DCLK1: variants seen among roughly 807,000 people sequenced by gnomAD.
DCLK1 encodes doublecortin like kinase 1, also known as serine/threonine-protein kinase DCLK1.
Under a neutral mutation model 86.2 loss-of-function variants are expected in DCLK1, and 16 were observed. The observed-to-expected ratio is 0.19, with a 90% confidence interval of 0.13 to 0.28. The LOEUF (loss-of-function observed/expected upper bound fraction) is 0.28. Among genes scored for constraint, DCLK1 ranks in the 10% least tolerant of loss-of-function variants. The pLI is 1.00. For missense variants in DCLK1, 590 were observed against 940.2 expected, an observed-to-expected ratio of 0.63 and a Z score of 4.87; for synonymous variants, 369 against 370.5, an observed-to-expected ratio of 1.00 and a Z score of 0.05.
intron 3 of DCLK1, among the ~76,000 whole-genome samples, chr13:36,039,293 C>G (rs1203945559): frequency 6.6e-6 from 1 of 152,296 alleles, no homozygotes; most frequent in East Asian, 1.9e-4. Flanking sequence ...TTGCCAGATC[C>G]TCTGAACAAA....
intron 4 of DCLK1, among the ~76,000 whole-genome samples, chr13:35,922,090 A>C (rs962927299): frequency 8.5e-5 from 13 of 152,218 alleles, no homozygotes; most frequent in Non-Finnish European, 1.9e-4. Flanking sequence ...ACATATAGGT[A>C]GGGCGGTTTT....
At chr13:35,826,523 C>CA (rs533243711) in intron 10 of DCLK1, among the ~76,000 whole-genome samples, 692 of 19,728 alleles carry the variant, frequency 0.035, 34 homozygotes, top group East Asian at 0.096. Flanking sequence ...AACTCCATCT[C>CA]AAAAAAAAAA....
Position 35,793,405 on chromosome 13 carries a change from G to T in DCLK1, c.2019C>A (p.Pro673=). The T allele has an allele frequency of 1.9e-6, 3 of 1,609,218 alleles. No individual in the cohort carries two copies. Among genetic ancestry groups the T allele is most frequent in the Non-Finnish European group, 2.5e-6 (3 of 1,177,486 alleles). ...GKIKKHFNTG[P]KPNSTAAGVS... ...CTCCAGCTGCTGTGCTATTCGGCTT[G>T]GGGCCTGTGTTGAAATGCTTCTTTA... The change falls in exon 16 of 17, where the codon CCC becomes CCA. Residue 673 remains proline (P), a synonymous_variant. Transcript: ENST00000360631.
At chr13:35,845,788 C>A in intron 6 of DCLK1, 1 of 355,708 alleles carries the variant, frequency 2.8e-6, no homozygotes. Context: ...CTAATTACAA[C>A]AGAAGAATGC....
At chr13:35,826,183 A>G (rs1868399558) in intron 10 of DCLK1, among the ~76,000 whole-genome samples, 1 of 151,870 alleles carries the variant, frequency 6.6e-6, no homozygotes, top group Non-Finnish European at 1.5e-5. Context: ...CTCAGCCTCA[A>G]ACATGACAAT....
intron 8 of DCLK1, 151 bp downstream of exon 8, chr13:35,835,882 G>T: frequency 1.8e-6 from 1 of 562,910 alleles, no homozygotes. Flanking sequence ...TTGTTAGATG[G>T]GTCTTTCTTT....
At chr13:35,908,690 C>T (rs1343860089) in intron 4 of DCLK1, among the ~76,000 whole-genome samples, 2 of 152,190 alleles carry the variant, frequency 1.3e-5, no homozygotes, top group African/African-American at 4.8e-5. Context: ...GGCTTCAGTG[C>T]AATGGCGTGA....
At chr13:36,001,199 C>T (rs907351607) in intron 3 of DCLK1, among the ~76,000 whole-genome samples, 1 of 152,150 alleles carries the variant, frequency 6.6e-6, no homozygotes, top group South Asian at 2.1e-4. Context: ...CCACCCACTT[C>T]GGCCTCCCAA....
chr13:35,777,290 G>A (rs2086439686), intron 16 of DCLK1, among the ~76,000 whole-genome samples: 1 of 152,142 alleles, frequency 6.6e-6, no homozygotes, highest in African/African-American at 2.4e-5. Flanking sequence ...AGTTGAATGA[G>A]GGTTTATAAA....
At chr13:35,830,326 G>T (rs1868851624) in intron 8 of DCLK1, among the ~76,000 whole-genome samples, 1 of 152,168 alleles carries the variant, frequency 6.6e-6, no homozygotes, top group Non-Finnish European at 1.5e-5. Context: ...AGGAGGTAAA[G>T]GCTGCAGTGA....
chr13:35,827,567 A>G lies in DCLK1; in HGVS notation c.1407+68T>C, dbSNP rs1264770605. The G allele has an allele frequency of 5.8e-6, 9 of 1,539,434 alleles. No homozygotes were observed. The East Asian group carries it at 1.8e-4, about 31-fold the overall frequency. Reference sequence around the variant, plus strand: ...AATACTGATGGGAGAAAATAAGGGAAAGAGCTCTAGAATATAGGCAAGTGC... The same window carrying G: ...AATACTGATGGGAGAAAATAAGGGAGAGAGCTCTAGAATATAGGCAAGTGC... On this transcript the variant is annotated intron_variant, in intron 10 of 16. Transcript: ENST00000360631.
intron 6 of DCLK1, among the ~76,000 whole-genome samples, chr13:35,853,354 C>A (rs745811335): frequency 5.2e-4 from 79 of 152,280 alleles, no homozygotes; most frequent in Admixed American, 4.1e-3. Context: ...GACAAGCTGG[C>A]GTCAAATCCC....
intron 16 of DCLK1, among the ~76,000 whole-genome samples, chr13:35,777,463 TA>T (rs2153097245): frequency 6.6e-6 from 1 of 152,306 alleles, no homozygotes; most frequent in South Asian, 2.1e-4. Context: ...ATTGAAATGA[TA>T]AATTAAAGTC....
intron 4 of DCLK1, among the ~76,000 whole-genome samples, chr13:35,925,718 T>C (rs1246847215): frequency 6.6e-6 from 1 of 152,198 alleles, no homozygotes; most frequent in Non-Finnish European, 1.5e-5. Flanking sequence ...TTGGTTGTTG[T>C]TTTTATTTTT....
At chr13:36,083,379 G>C (rs371266900) in intron 3 of DCLK1, among the ~76,000 whole-genome samples, 1 of 152,268 alleles carries the variant, frequency 6.6e-6, no homozygotes, top group South Asian at 2.1e-4. Context: ...TACTCTGTTA[G>C]GTCCCTCCTC....
chr13:35,770,882 C>G lies in DCLK1; in HGVS notation c.*3653G>C, dbSNP rs3803279. 0.21 allele frequency: 31,299 copies of G among 152,070 alleles called. 3,917 individuals are homozygous for G. Among genetic ancestry groups the G allele is most frequent in the East Asian group, 0.49 (2,511 of 5,158 alleles). The allele number at this position is 152,070 out of a possible 1,614,324, so 9.4% of individuals were successfully genotyped here. A position where few individuals can be genotyped will look rare whatever the true frequency, so the allele number is the denominator to read the frequency against. ...TTGGAAAGAGAAGGAAGTAAACCTT[C>G]ACTCTTTGGTACAGCCCTGTATAGC... On this transcript the variant is annotated 3_prime_UTR_variant, in exon 17 of 17. Transcript: ENST00000360631.
At chr13:35,793,790 G>T (rs1454274240) in intron 15 of DCLK1, among the ~76,000 whole-genome samples, 1 of 152,046 alleles carries the variant, frequency 6.6e-6, no homozygotes, top group East Asian at 1.9e-4. Flanking sequence ...CTAGGAACAT[G>T]TCAAAAAGCA....
chr13:35,914,332 A>ATATATATATATACATAT lies in DCLK1; in HGVS notation c.823+33025_823+33026insATATGTATATATATATA, dbSNP rs1370326616. ...GAGACCTTATCTCAGAAAAAAAAAA[A>ATATATATATATACATAT]ATATATATATATATATACATATATA... On this transcript the variant is annotated intron_variant, in intron 4 of 16. Coordinates refer to ENST00000360631, the MANE Select transcript of DCLK1 (RefSeq NM_001330071.2). 7.3e-4 allele frequency among the ~76,000 whole-genome samples: 54 copies of ATATATATATATACATAT among 74,056 alleles called. 1 individual carries two copies. Among genetic ancestry groups the ATATATATATATACATAT allele is most frequent in the African/African-American group, 2.9e-3 (50 of 17,422 alleles). 48.6% of individuals were successfully genotyped at this position (74,056 alleles called of 152,430 possible). A position where few individuals can be genotyped will look rare whatever the true frequency, so the allele number is the denominator to read the frequency against.
rs182997998 is a variant in DCLK1, at chr13:35,829,725, G to A, written c.1230-1418C>T. 2.9e-3 allele frequency among the ~76,000 whole-genome samples: 441 copies of A among 152,292 alleles called. 3 individuals carry two copies. The highest frequency in any genetic ancestry group is 0.01 in the African/African-American group (432 of 41,554). On this transcript the variant is annotated intron_variant, in intron 8 of 16. Transcript: ENST00000360631. ...TTCTATCTGCTGAATAAAATCACAAGATGATGACTTCGAAGCCTCTTTTCC... is the reference window on the plus strand; with the variant it reads ...TTCTATCTGCTGAATAAAATCACAAAATGATGACTTCGAAGCCTCTTTTCC...
Sources: gnomAD v4.1 joint callset for allele counts (sites outside exome capture counted in the v4.1 genomes callset) on GRCh38, gnomAD v4.1.1 for gene constraint, MANE v1.5 for transcripts, NCBI Gene and HGNC (gene_info 2026-07-23, HGNC 2026-07-21) for gene names.